The following LINGO2 variants were observed in gnomAD, a reference collection of about 807,000 sequenced individuals.
LINGO2 encodes the protein leucine rich repeat and Ig domain containing 2.
A neutral mutation model predicts 30.6 loss-of-function variants in LINGO2; 14 were observed. The observed-to-expected ratio is 0.46, with a 90% CI of 0.30 to 0.72. The LOEUF is 0.72. Ranked by LOEUF, LINGO2 falls within the 30% of genes least tolerant of loss-of-function variation. LINGO2 has a pLI of 0.07. For missense variants in LINGO2, 729 were observed against 751.7 expected, an observed-to-expected ratio of 0.97 and a Z score of 0.35; for synonymous variants, 317 against 288.5, an observed-to-expected ratio of 1.10 and a Z score of -1.00.
the LINGO2 span, among the ~76,000 whole-genome samples, chr9:29,205,478 C>T: frequency 1.3e-5 from 2 of 152,284 alleles, no homozygotes; most frequent in African/African-American, 4.8e-5. Flanking sequence ...TACTTGCTAA[C>T]ATTTCATTAA....
chr9:28,778,017 C>T, the LINGO2 span, among the ~76,000 whole-genome samples: 1 of 152,046 alleles, frequency 6.6e-6, no homozygotes, highest in Non-Finnish European at 1.5e-5. Flanking sequence ...AGTGCATAGT[C>T]CATGTGGGTC....
the LINGO2 span, among the ~76,000 whole-genome samples, chr9:29,175,287 C>T: frequency 6.6e-6 from 1 of 152,112 alleles, no homozygotes; most frequent in African/African-American, 2.4e-5. Flanking sequence ...CAAAACATAT[C>T]TCAGTGTTCA....
chr9:28,558,774 G>A (rs756998760), intron 1 of LINGO2, among the ~76,000 whole-genome samples: 1 of 151,940 alleles, frequency 6.6e-6, no homozygotes, highest in African/African-American at 2.4e-5. Flanking sequence ...CTAGTTTCCA[G>A]CTTCAAAAAT....
chr9:28,323,553 T>C (rs1017625924), intron 3 of LINGO2, among the ~76,000 whole-genome samples: 6 of 152,294 alleles, frequency 3.9e-5, no homozygotes, highest in African/African-American at 1.2e-4. Context: ...TGAGCTGAGA[T>C]CACGTCATTG....
the LINGO2 span, among the ~76,000 whole-genome samples, chr9:29,200,463 A>G: frequency 6.6e-6 from 1 of 152,128 alleles, no homozygotes; most frequent in African/African-American, 2.4e-5. Context: ...GCATGTTTAA[A>G]GAGATCAAAT....
chr9:28,382,590 A>T (rs369301151), intron 2 of LINGO2, among the ~76,000 whole-genome samples: 2 of 152,124 alleles, frequency 1.3e-5, no homozygotes, highest in African/African-American at 4.8e-5. Context: ...GGCCATTCAC[A>T]TGCAGTCTGC....
the LINGO2 span, among the ~76,000 whole-genome samples, chr9:28,948,757 T>C: frequency 6.6e-6 from 1 of 152,096 alleles, no homozygotes; most frequent in Non-Finnish European, 1.5e-5. Context: ...CCTGATTGTG[T>C]AAAACATCTC....
intron 4 of LINGO2, among the ~76,000 whole-genome samples, chr9:28,159,654 T>A (rs934327502): frequency 6.6e-5 from 10 of 152,054 alleles, no homozygotes; most frequent in Non-Finnish European, 1.0e-4. Context: ...AAACAAAGAC[T>A]AGTGTAGAAA....
intron 4 of LINGO2, among the ~76,000 whole-genome samples, chr9:28,184,858 G>C (rs1378568134): frequency 6.6e-6 from 1 of 152,086 alleles, no homozygotes; most frequent in Non-Finnish European, 1.5e-5. Context: ...TCTGACCCAG[G>C]AGCCAAATAT....
chr9:28,163,238 G>A (rs575887172), intron 4 of LINGO2, among the ~76,000 whole-genome samples: 1 of 152,188 alleles, frequency 6.6e-6, no homozygotes, highest in African/African-American at 2.4e-5. Context: ...CTAGATTTGA[G>A]GAGGCATTGA....
the LINGO2 span, among the ~76,000 whole-genome samples, chr9:28,905,294 A>G: frequency 7.2e-5 from 10 of 138,564 alleles, no homozygotes; most frequent in South Asian, 2.1e-3. Context: ...AAAAAAAAAA[A>G]CTGAATTACA....
At chr9:27,970,399 C>T (rs1047266051) in intron 5 of LINGO2, among the ~76,000 whole-genome samples, 10 of 152,238 alleles carry the variant, frequency 6.6e-5, no homozygotes, top group African/African-American at 2.4e-4. Context: ...TCTGAAGAAA[C>T]GTATCTTTCT....
the LINGO2 span, among the ~76,000 whole-genome samples, chr9:28,723,580 T>A: frequency 1.3e-5 from 2 of 152,068 alleles, no homozygotes; most frequent in Non-Finnish European, 2.9e-5. Flanking sequence ...TGGGCCAATA[T>A]AAGAATGGAA....
At chr9:28,045,985 T>TA (rs1824404508) in intron 4 of LINGO2, among the ~76,000 whole-genome samples, 1 of 152,150 alleles carries the variant, frequency 6.6e-6, no homozygotes, top group African/African-American at 2.4e-5. Flanking sequence ...ATGTGTCCCT[T>TA]TGGCAAAAAG....
the LINGO2 span, among the ~76,000 whole-genome samples, chr9:29,012,544 A>C: frequency 6.6e-6 from 1 of 152,158 alleles, no homozygotes; most frequent in East Asian, 1.9e-4. Flanking sequence ...TTCATGTGTT[A>C]GTAGGTTTTA....
chr9:27,999,422 C>G (rs1209967375), intron 5 of LINGO2, among the ~76,000 whole-genome samples: 1 of 145,698 alleles, frequency 6.9e-6, no homozygotes, highest in Non-Finnish European at 1.5e-5. Context: ...GACTTAATCA[C>G]AGTGCCTAAT....
chr9:28,135,790 C>T (rs1827501210), intron 4 of LINGO2, among the ~76,000 whole-genome samples: 1 of 152,208 alleles, frequency 6.6e-6, no homozygotes, highest in Admixed American at 6.5e-5. Flanking sequence ...TGCCTTCCCT[C>T]TACCCTCTCC....
chr9:28,527,998 T>C (rs1821095680), intron 1 of LINGO2, among the ~76,000 whole-genome samples: 1 of 152,180 alleles, frequency 6.6e-6, no homozygotes. Flanking sequence ...TAATTATCAG[T>C]AAATAATGTC....
Position 28,309,949 on chromosome 9 carries a change from C to T in LINGO2, c.-245-14583G>A, listed in dbSNP as rs142768281. Among the ~76,000 whole-genome samples the T allele has an allele frequency of 4.1e-3, 616 of 151,948 alleles. 6 individuals are homozygous for T. The highest frequency in any genetic ancestry group is 0.014 in the African/African-American group (586 of 41,460). Reference sequence around the variant, plus strand: ...GTTCTCCAGCAAATAAAAAACACCCCGAGATATTGCCACACAGCTATTAAA... The same window carrying T: ...GTTCTCCAGCAAATAAAAAACACCCTGAGATATTGCCACACAGCTATTAAA... On this transcript the variant is annotated intron_variant, in intron 3 of 5. Transcript: ENST00000379992.
Sources: allele counts gnomAD v4.1 joint callset (sites outside exome capture counted in the v4.1 genomes callset), GRCh38; gene constraint gnomAD v4.1.1; transcripts MANE v1.5; gene names NCBI Gene and HGNC (gene_info 2026-07-23, HGNC 2026-07-21).